Variants in PEPD observed in about 807,000 individuals in gnomAD.
PEPD encodes the protein peptidase D.
PEPD carries 53 observed loss-of-function variants against 60.7 expected under a neutral mutation model. The ratio of observed to expected loss-of-function variants is 0.87; its 90% CI spans 0.70 to 1.10. The LOEUF is 1.10. PEPD is among the 50% of genes least tolerant of loss of function. The pLI, the probability that PEPD is intolerant of heterozygous loss-of-function variation, is 0.00. For missense variants in PEPD, 711 were observed against 711.9 expected, an observed-to-expected ratio of 1.00 and a Z score of 0.01; for synonymous variants, 267 against 284.1, an observed-to-expected ratio of 0.94 and a Z score of 0.60.
intron 6 of PEPD, among the ~76,000 whole-genome samples, chr19:33,482,916 CG>C (rs1296312100): frequency 2.6e-5 from 4 of 152,182 alleles, no homozygotes; most frequent in Non-Finnish European, 5.9e-5. Flanking sequence ...ACCAACTTGA[CG>C]TAATTGACAT....
chr19:33,520,637 C>T (rs1288675648), intron 1 of PEPD, among the ~76,000 whole-genome samples: 1 of 152,216 alleles, frequency 6.6e-6, no homozygotes, highest in African/African-American at 2.4e-5. Flanking sequence ...TAAGCTCCCT[C>T]AACCTTGGGG....
chr19:33,387,023 TTC>T lies in PEPD; in HGVS notation c.*319_*320del, dbSNP rs1158062043. ...TTTTGACAGAAAGTATCAGAAATGC[TTC>T]TTTCCTGGGAAAAGGAATATAAATG... is the stretch of plus-strand genomic sequence containing the variant. On this transcript the variant is annotated 3_prime_UTR_variant, in exon 15 of 15. Coordinates refer to ENST00000244137, the MANE Select transcript of PEPD (RefSeq NM_000285.4). 5 of 378,492 alleles carry T rather than the reference TTC, an allele frequency of 1.3e-5. No individual in the cohort carries two copies. Among genetic ancestry groups the T allele is most frequent in the African/African-American group, 1.0e-4 (5 of 48,862 alleles). The allele number at this position is 378,492 out of a possible 1,614,324, so 23.4% of individuals were successfully genotyped here. A position where few individuals can be genotyped will look rare whatever the true frequency, so the allele number is the denominator to read the frequency against.
At chr19:33,509,427 A>G (rs1970879549) in intron 3 of PEPD, among the ~76,000 whole-genome samples, 1 of 152,252 alleles carries the variant, frequency 6.6e-6, no homozygotes, top group African/African-American at 2.4e-5. Flanking sequence ...GCCTAAGAGC[A>G]GAATGATTAC....
At chr19:33,458,307 C>T (rs1325096482) in intron 9 of PEPD, among the ~76,000 whole-genome samples, 1 of 144,782 alleles carries the variant, frequency 6.9e-6, no homozygotes, top group Non-Finnish European at 1.5e-5. Context: ...TGTGTAGGTG[C>T]ATGTGGCATG....
intron 9 of PEPD, among the ~76,000 whole-genome samples, chr19:33,425,013 T>G (rs1969110671): frequency 6.6e-6 from 1 of 151,102 alleles, no homozygotes; most frequent in Non-Finnish European, 1.5e-5. Context: ...ACAACAACAA[T>G]AAAAACCAGG....
chr19:33,520,031 T>C (rs1971101738), intron 1 of PEPD, among the ~76,000 whole-genome samples: 1 of 147,850 alleles, frequency 6.8e-6, no homozygotes. Context: ...GCCATTGCAC[T>C]CCAGACTGGG....
intron 9 of PEPD, among the ~76,000 whole-genome samples, chr19:33,432,853 T>C (rs1004699652): frequency 5.9e-5 from 9 of 152,220 alleles, no homozygotes; most frequent in African/African-American, 2.2e-4. Context: ...GGGCTCCCAG[T>C]ACCCACAGCC....
At chr19:33,458,495 G>T (rs1054489107) in intron 9 of PEPD, among the ~76,000 whole-genome samples, 1 of 149,414 alleles carries the variant, frequency 6.7e-6, no homozygotes, top group African/African-American at 2.5e-5. Context: ...GTGTGGAGGT[G>T]TGTATGTGTG....
At chr19:33,467,180 G>T (rs1970036418) in intron 7 of PEPD, among the ~76,000 whole-genome samples, 1 of 150,806 alleles carries the variant, frequency 6.6e-6, no homozygotes, top group African/African-American at 2.4e-5. Context: ...AAGAAAGAAA[G>T]AAAGAAAAAG....
At chr19:33,478,111 A>G in intron 6 of PEPD, 21 bp from the exon 7 acceptor site, 2 of 1,582,428 alleles carry the variant, frequency 1.3e-6, no homozygotes, top group Non-Finnish European at 8.7e-7. Flanking sequence ...AAAAGAAATC[A>G]AGCCCATTAA....
chr19:33,465,381 G>A (rs891929837), intron 7 of PEPD, among the ~76,000 whole-genome samples: 1 of 152,076 alleles, frequency 6.6e-6, no homozygotes, highest in Non-Finnish European at 1.5e-5. Flanking sequence ...CTGGGGACCC[G>A]CCGCATGGTG....
intron 9 of PEPD, among the ~76,000 whole-genome samples, chr19:33,431,370 C>G (rs914523317): frequency 6.6e-6 from 1 of 152,224 alleles, no homozygotes; most frequent in African/African-American, 2.4e-5. Context: ...AGGTCCCCGC[C>G]GGAGGCCAGG....
intron 9 of PEPD, among the ~76,000 whole-genome samples, chr19:33,451,055 AC>A (rs1400891172): frequency 7.2e-5 from 11 of 152,142 alleles, no homozygotes; most frequent in African/African-American, 2.7e-4. Context: ...TGACTGCAAA[AC>A]CGCCCTGAGC....
intron 13 of PEPD, chr19:33,388,301 C>T (rs533961344): frequency 1.4e-6 from 1 of 690,814 alleles, no homozygotes; most frequent in Non-Finnish European, 2.7e-6. Flanking sequence ...CCTGGCCACA[C>T]TACCCTAGGG....
chr19:33,484,986 C>A (rs577939222), intron 6 of PEPD, among the ~76,000 whole-genome samples: 1 of 152,194 alleles, frequency 6.6e-6, no homozygotes, highest in South Asian at 2.1e-4. Flanking sequence ...TAGGCGTGCC[C>A]TGGAAGCAGA....
At chr19:33,512,839 A>C in intron 1 of PEPD, 63 bp from the exon 2 acceptor site, 4 of 1,582,016 alleles carry the variant, frequency 2.5e-6, no homozygotes, top group Admixed American at 1.7e-5. Flanking sequence ...GCATGCCCAC[A>C]CCTGAGGTCG....
chr19:33,403,752 TC>T (rs1325172307), intron 11 of PEPD, among the ~76,000 whole-genome samples: 1 of 152,190 alleles, frequency 6.6e-6, no homozygotes, highest in African/African-American at 2.4e-5. Context: ...CTTTTTAATC[TC>T]CTGTCTTTTC....
chr19:33,437,332 A>G (rs1969396172), intron 9 of PEPD, among the ~76,000 whole-genome samples: 1 of 152,032 alleles, frequency 6.6e-6, no homozygotes, highest in Non-Finnish European at 1.5e-5. Flanking sequence ...TCGAAGTTCA[A>G]CTACTTTTAT....
At chr19:33,500,129 G>A (rs1970681390) in intron 4 of PEPD, among the ~76,000 whole-genome samples, 1 of 152,256 alleles carries the variant, frequency 6.6e-6, no homozygotes, top group African/African-American at 2.4e-5. Context: ...CCAGGTCCAG[G>A]TTGGACTCCC....
Sources: gnomAD v4.1 joint callset for allele counts (sites outside exome capture counted in the v4.1 genomes callset) on GRCh38, gnomAD v4.1.1 for gene constraint, MANE v1.5 for transcripts, NCBI Gene and HGNC (gene_info 2026-07-23, HGNC 2026-07-21) for gene names.